The following ERBIN variants were observed in gnomAD, a reference collection of about 807,000 sequenced individuals.
ERBIN encodes the protein erbb2 interacting protein.
A neutral mutation model predicts 158.4 loss-of-function variants in ERBIN; 60 were observed. The ratio of observed to expected loss-of-function variants is 0.38; its 90% CI spans 0.31 to 0.47. The LOEUF (loss-of-function observed/expected upper bound fraction) is 0.47. Ranked by LOEUF, ERBIN falls within the 20% of genes least tolerant of loss-of-function variation. The pLI is 0.99. For synonymous variants in ERBIN, 594 were observed against 557.2 expected (o/e 1.07, Z -0.93); for missense variants, 1,610 against 1,648.0 (o/e 0.98, Z 0.40).
At chr5:65,979,013 A>G (rs904096256) in intron 1 of ERBIN, among the ~76,000 whole-genome samples, 1 of 152,194 alleles carries the variant, frequency 6.6e-6, no homozygotes, top group Non-Finnish European at 1.5e-5. Context: ...CTGATTACAG[A>G]TGAATTGAGT....
Position 66,035,994 on chromosome 5 carries a change from C to T in ERBIN, c.1207-2389C>T, listed in dbSNP as rs568528819. Among the ~76,000 whole-genome samples the T allele has an allele frequency of 7.9e-5, 12 of 152,040 alleles. No individual in the cohort carries two copies. In the South Asian group the frequency reaches 1.2e-3, roughly 16 times the overall value. On this transcript the variant is annotated intron_variant, in intron 14 of 25. Coordinates refer to ENST00000284037, the MANE Select transcript of ERBIN (RefSeq NM_001253697.2). ...GTACCAGCTCCTTGGGAGGCTGAGG[C>T]GGGAGGATTGCTTGAGCCCAGAAGT...
chr5:66,057,919 T>G (rs1759796275), intron 21 of ERBIN, among the ~76,000 whole-genome samples: 1 of 150,506 alleles, frequency 6.6e-6, no homozygotes. Flanking sequence ...CACATTTTCT[T>G]AATCCAGTCT....
intron 4 of ERBIN, among the ~76,000 whole-genome samples, chr5:66,008,880 G>A (rs1437944977): frequency 6.6e-6 from 1 of 151,996 alleles, no homozygotes; most frequent in Non-Finnish European, 1.5e-5. Flanking sequence ...TGTTTTCAAG[G>A]TCGGATCATT....
intron 4 of ERBIN, among the ~76,000 whole-genome samples, chr5:66,004,773 G>A (rs1227602086): frequency 6.6e-6 from 1 of 152,124 alleles, no homozygotes; most frequent in Non-Finnish European, 1.5e-5. Flanking sequence ...GTTGAGGGTA[G>A]GCCTTGAGCA....
chr5:66,049,208 C>T (rs1310833749), intron 19 of ERBIN, among the ~76,000 whole-genome samples: 1 of 152,004 alleles, frequency 6.6e-6, no homozygotes. Flanking sequence ...TTGATTGTAT[C>T]ACAAAACATT....
intron 10 of ERBIN, chr5:66,025,248 A>G: frequency 2.1e-6 from 1 of 481,154 alleles, no homozygotes; most frequent in Non-Finnish European, 3.7e-6. Context: ...AGTATATTTT[A>G]GTGGGAGTTA....
rs1443327703 is a variant in ERBIN, at chr5:66,078,834, T to C, written c.*304T>C. The C allele has an allele frequency of 6.7e-6, 2 of 299,190 alleles. No individual in the cohort carries two copies. Among genetic ancestry groups the C allele is most frequent in the African/African-American group, 4.6e-5 (2 of 43,880 alleles). 18.5% of individuals were successfully genotyped at this position (299,190 alleles called of 1,614,324 possible). Reference sequence around the variant, plus strand: ...TGTAGGTTTATTTTTGGATTTCATATACATGACTGAACTGTGTGCAAGGCA... The same window carrying C: ...TGTAGGTTTATTTTTGGATTTCATACACATGACTGAACTGTGTGCAAGGCA... On this transcript the variant is annotated 3_prime_UTR_variant, in exon 26 of 26. Coordinates refer to ENST00000284037, the MANE Select transcript of ERBIN (RefSeq NM_001253697.2).
In ERBIN at chr5:66,081,745, C is replaced by CTATT. The variant is rs1762395660; in HGVS notation, c.*3217_*3220dup. ...TCTGATGGAGATTGACGTGTGAAATCTATTTGGAAGGGTATTTTTTTCACT... is the reference window on the plus strand; with the variant it reads ...TCTGATGGAGATTGACGTGTGAAATCTATTTATTTGGAAGGGTATTTTTTTCACT... On this transcript the variant is annotated 3_prime_UTR_variant, in exon 26 of 26. Transcript: ENST00000284037. 1 of 151,936 alleles carries CTATT rather than the reference C, an allele frequency of 6.6e-6. No individual in the cohort carries two copies. Among genetic ancestry groups the CTATT allele is most frequent in the Admixed American group, 6.6e-5 (1 of 15,258 alleles). 9.4% of individuals were successfully genotyped at this position (151,936 alleles called of 1,614,324 possible). A position where few individuals can be genotyped will look rare whatever the true frequency, so the allele number is the denominator to read the frequency against.
chr5:66,051,401 T>G (rs976058921), intron 20 of ERBIN, among the ~76,000 whole-genome samples: 7 of 152,246 alleles, frequency 4.6e-5, no homozygotes, highest in Admixed American at 1.3e-4. Context: ...GAGAGAGAGA[T>G]AAATGTTAAT....
intron 4 of ERBIN, among the ~76,000 whole-genome samples, chr5:65,997,287 C>T (rs910191789): frequency 2.0e-5 from 3 of 152,080 alleles, no homozygotes; most frequent in Non-Finnish European, 2.9e-5. Flanking sequence ...TCCGTCTATA[C>T]CTGATGTGTT....
intron 21 of ERBIN, among the ~76,000 whole-genome samples, 177 bp from the exon 22 acceptor site, chr5:66,071,992 C>T (rs1761576090): frequency 6.6e-6 from 1 of 151,924 alleles, no homozygotes; most frequent in Non-Finnish European, 1.5e-5. Context: ...TTGCTATGTA[C>T]CTTTGGAAGA....
chr5:66,035,706 A>G (rs913535974), intron 14 of ERBIN, among the ~76,000 whole-genome samples: 8 of 152,314 alleles, frequency 5.3e-5, no homozygotes, highest in African/African-American at 1.9e-4. Flanking sequence ...TTTTTCGATT[A>G]TATGTTAAAA....
intron 17 of ERBIN, among the ~76,000 whole-genome samples, chr5:66,045,611 A>G (rs1561419056): frequency 6.6e-6 from 1 of 152,160 alleles, no homozygotes; most frequent in Non-Finnish European, 1.5e-5. Flanking sequence ...GTGCCACGTG[A>G]CTGCACTTGC....
intron 1 of ERBIN, among the ~76,000 whole-genome samples, chr5:65,980,271 C>CTGGGTGTGGTGT (rs1162946250): frequency 6.6e-6 from 1 of 151,868 alleles, no homozygotes; most frequent in Non-Finnish European, 1.5e-5. Context: ...CAAAAATTAG[C>CTGGGTGTGGTGT]TGGGTGTGGT....
chr5:66,021,688 G>A (rs1755705363), intron 8 of ERBIN, among the ~76,000 whole-genome samples: 1 of 152,056 alleles, frequency 6.6e-6, no homozygotes, highest in Non-Finnish European at 1.5e-5. Context: ...ACATCAGTCT[G>A]GAATGCAGCA....
intron 1 of ERBIN, among the ~76,000 whole-genome samples, chr5:65,965,131 T>C (rs1011582582): frequency 1.3e-5 from 2 of 151,626 alleles, no homozygotes; most frequent in East Asian, 1.9e-4. Flanking sequence ...ATTACTCTTC[T>C]TGTTTAAAAC....
At chr5:65,977,551 A>C (rs1169505386) in intron 1 of ERBIN, among the ~76,000 whole-genome samples, 2 of 144,970 alleles carry the variant, frequency 1.4e-5, no homozygotes, top group East Asian at 4.2e-4. Context: ...CCCACATCTC[A>C]GACGATGGGC....
intron 21 of ERBIN, among the ~76,000 whole-genome samples, chr5:66,068,064 ATACCTGTAATCCCAGCAGT>A (rs767316080): frequency 5.9e-5 from 9 of 152,200 alleles, no homozygotes; most frequent in Non-Finnish European, 1.2e-4. Context: ...ACAGTGGCTC[ATACCTGTAATCCCAGCAGT>A]TTAGGGGGCT....
chr5:66,051,022 C>A, intron 20 of ERBIN, 56 bp downstream of exon 20: 1 of 1,165,694 alleles, frequency 8.6e-7, no homozygotes, highest in Non-Finnish European at 1.2e-6. Context: ...AGTAGTAAGG[C>A]AGATAACAAA....
Sources: allele counts gnomAD v4.1 joint callset (sites outside exome capture counted in the v4.1 genomes callset), GRCh38; gene constraint gnomAD v4.1.1; transcripts MANE v1.5; gene names NCBI Gene and HGNC (gene_info 2026-07-23, HGNC 2026-07-21).